COL9A2: variants seen among roughly 807,000 people sequenced by gnomAD.
COL9A2 encodes the protein collagen alpha-2(IX) chain.
Under a neutral mutation model 111.6 loss-of-function variants are expected in COL9A2, and 66 were observed. The ratio of observed to expected loss-of-function variants is 0.59; its 90% CI spans 0.48 to 0.73. The LOEUF (loss-of-function observed/expected upper bound fraction) is 0.73. COL9A2 is among the 30% of genes least tolerant of loss of function. The probability of loss-of-function intolerance (pLI) is 0.00; values close to 1 mark genes in which losing one functional copy is unlikely to be tolerated. For missense variants in COL9A2, 881 were observed against 954.1 expected, an observed-to-expected ratio of 0.92 and a Z score of 1.01; for synonymous variants, 353 against 364.1, an observed-to-expected ratio of 0.97 and a Z score of 0.35.
Position 40,316,658 on chromosome 1 carries a change from C to A in COL9A2, c.75+465G>T, listed in dbSNP as rs1221476718. On this transcript the variant is annotated intron_variant, in intron 1 of 31. Coordinates refer to ENST00000372748, the MANE Select transcript of COL9A2 (RefSeq NM_001852.4). The surrounding 1 kb of genome is among the most constrained non-coding windows in gnomAD (Gnocchi z 5.5). Reference sequence around the variant, plus strand: ...GCCCAGTCTCTGCCCTACCCGCGCGCCCGCAGCCCCCGGCGGCCCTCGGAA... The same window carrying A: ...GCCCAGTCTCTGCCCTACCCGCGCGACCGCAGCCCCCGGCGGCCCTCGGAA... 2.3e-6 allele frequency: 1 copy of A among 437,622 alleles called. No homozygotes were observed. Among genetic ancestry groups the A allele is most frequent in the Non-Finnish European group, 4.6e-6 (1 of 219,182 alleles). 27.1% of individuals were successfully genotyped at this position (437,622 alleles called of 1,614,324 possible).
At position 40,304,866 on chromosome 1, in the gene COL9A2, G is replaced by C. The variant is rs1643999693; in HGVS notation, c.1108-19C>G. 1.3e-6 allele frequency: 2 copies of C among 1,548,186 alleles called. No individual in the cohort carries two copies. The highest frequency in any genetic ancestry group is 2.7e-5 in the African/African-American group (2 of 73,156). ...GCTCTCCCTGGAGGAAGGAGAAATT[G>C]GGGCTAAGCGTTTGACCTGGTGGAA... On this transcript the variant is annotated intron_variant, in intron 21 of 31. Transcript: ENST00000372748.
rs576245699 is a variant in COL9A2, at chr1:40,316,240, A to G, written c.76-576T>C. 6 of 174,492 alleles carry G rather than the reference A, an allele frequency of 3.4e-5. No individual in the cohort carries two copies. Among genetic ancestry groups the G allele is most frequent in the Non-Finnish European group, 6.2e-5 (5 of 81,072 alleles). The allele number at this position is 174,492 out of a possible 1,614,324, so 10.8% of individuals were successfully genotyped here. A position where few individuals can be genotyped will look rare whatever the true frequency, so the allele number is the denominator to read the frequency against. Reference sequence around the variant, plus strand: ...GGAGGTGTAGGGAGGTGAAGCGGGTACTATCTTCCCACTCGGAGCGCCCCT... The same window carrying G: ...GGAGGTGTAGGGAGGTGAAGCGGGTGCTATCTTCCCACTCGGAGCGCCCCT... On this transcript the variant is annotated intron_variant, in intron 1 of 31. Coordinates refer to ENST00000372748, the MANE Select transcript of COL9A2 (RefSeq NM_001852.4). The surrounding 1 kb of genome is among the most constrained non-coding windows in gnomAD (Gnocchi z 5.5).
chr1:40,311,465 C>T lies in COL9A2; in HGVS notation c.519+35G>A, dbSNP rs1644124966. ...CTCCCCATCTCTGTGGCCCCGCCCC[C>T]CTGTGTTAGCCCCGCCCCAGACCTC... On this transcript the variant is annotated intron_variant, in intron 10 of 31. Transcript: ENST00000372748. The surrounding 1 kb of genome is among the most constrained non-coding windows in gnomAD (Gnocchi z 5.1). 1.2e-6 allele frequency: 2 copies of T among 1,601,364 alleles called. No individual in the cohort carries two copies. Among genetic ancestry groups the T allele is most frequent in the African/African-American group, 1.3e-5 (1 of 74,642 alleles).
In COL9A2 at chr1:40,312,486, CAGAA is replaced by C. The variant is rs1644146304; in HGVS notation, c.340-11_340-8del. 6.2e-7 allele frequency: 1 copy of C among 1,613,890 alleles called. No individual in the cohort carries two copies. Among genetic ancestry groups the C allele is most frequent in the Non-Finnish European group, 8.5e-7 (1 of 1,179,892 alleles). On this transcript the variant is annotated splice_region_variant and splice_polypyrimidine_tract_variant and intron_variant, in intron 6 of 31. Coordinates refer to ENST00000372748, the MANE Select transcript of COL9A2 (RefSeq NM_001852.4). This position sits in a 1 kb window ranked among gnomAD's most constrained non-coding sequence, Gnocchi z 6.0. Reference sequence around the variant, plus strand: ...GTCCAGCAAAACCAGGGCCCTGGAACAGAAAGAAAGAAAATTGGCTTCATGGCTC... The same window carrying C: ...GTCCAGCAAAACCAGGGCCCTGGAACAGAAAGAAAATTGGCTTCATGGCTC...
At position 40,316,310 on chromosome 1, in the gene COL9A2, G is replaced by A. The variant is rs922788634; in HGVS notation, c.76-646C>T. ...GTCCTCCCTCTGCTAAGCCCTGACT[G>A]CTGCAGGGGAGCAGGAGGAGCCGGC... is the stretch of plus-strand genomic sequence containing the variant. On this transcript the variant is annotated intron_variant, in intron 1 of 31. Coordinates refer to ENST00000372748, the MANE Select transcript of COL9A2 (RefSeq NM_001852.4). The surrounding 1 kb of genome is among the most constrained non-coding windows in gnomAD (Gnocchi z 5.5). Among the ~76,000 whole-genome samples the A allele has an allele frequency of 6.6e-6, 1 of 152,238 alleles. No homozygotes were observed. Among genetic ancestry groups the A allele is most frequent in the Non-Finnish European group, 1.5e-5 (1 of 68,036 alleles).
Position 40,302,820 on chromosome 1 carries a change from G to GGAGT in COL9A2, c.1604-12_1604-11insACTC. 6.6e-7 allele frequency: 1 copy of GGAGT among 1,523,378 alleles called. No individual in the cohort carries two copies. Among genetic ancestry groups the GGAGT allele is most frequent in the Non-Finnish European group, 8.8e-7 (1 of 1,137,476 alleles). The allele number at this position is 1,523,378 out of a possible 1,614,324, so 94.4% of individuals were successfully genotyped here. The stretch of plus-strand genomic sequence containing the variant: ...CCTCTGCCAGTTGCTCTGGAGGGAG[G>GGAGT]GAGGGAGGGAGGGAGAGGGAAGTCT... On this transcript the variant is annotated splice_polypyrimidine_tract_variant and intron_variant, in intron 29 of 31. Coordinates refer to ENST00000372748, the MANE Select transcript of COL9A2 (RefSeq NM_001852.4). The surrounding 1 kb of genome is among the most constrained non-coding windows in gnomAD (Gnocchi z 4.5).
rs921264993 is a variant in COL9A2 at position 40,300,984 on chromosome 1, G to A, written c.*198C>T. 1 of 605,548 alleles carries A rather than the reference G, an allele frequency of 1.7e-6. No individual in the cohort carries two copies. The highest frequency in any genetic ancestry group is 1.8e-5 in the African/African-American group (1 of 54,056). The allele number at this position is 605,548 out of a possible 1,614,324, so 37.5% of individuals were successfully genotyped here. ...TCGACACCACTTGCCCTGTGTGTTGGCCTCACTTTTTCACCCATCAGTGCT... is the reference window on the plus strand; with the variant it reads ...TCGACACCACTTGCCCTGTGTGTTGACCTCACTTTTTCACCCATCAGTGCT... On this transcript the variant is annotated 3_prime_UTR_variant, in exon 32 of 32. Transcript: ENST00000372748. This position sits in a 1 kb window ranked among gnomAD's most constrained non-coding sequence, Gnocchi z 4.4.
At position 40,314,504 on chromosome 1, in the gene COL9A2, A is replaced by C; in HGVS notation, c.151-117T>G. The C allele has an allele frequency of 8.1e-7, 1 of 1,236,778 alleles. No individual in the cohort carries two copies. The highest frequency in any genetic ancestry group is 2.3e-5 in the East Asian group (1 of 42,556). The allele number at this position is 1,236,778 out of a possible 1,614,324, so 76.6% of individuals were successfully genotyped here. On this transcript the variant is annotated intron_variant, in intron 2 of 31. Coordinates refer to ENST00000372748, the MANE Select transcript of COL9A2 (RefSeq NM_001852.4). The surrounding 1 kb of genome is among the most constrained non-coding windows in gnomAD (Gnocchi z 4.1). ...CTCCTCACTCTCCTCTCTTCTGTCC[A>C]GGTCCCCTAAGCCTTGCAATCTTTG...
intron 16 of COL9A2, among the ~76,000 whole-genome samples, chr1:40,308,833 G>A (rs1644071040): frequency 6.6e-6 from 1 of 152,166 alleles, no homozygotes; most frequent in Non-Finnish European, 1.5e-5. Context: ...AGGGGTCTGG[G>A]GGATAGAGGA....
At position 40,311,342 on chromosome 1, in the gene COL9A2, C is replaced by G. The variant is rs1388235928; in HGVS notation, c.520-56G>C. On this transcript the variant is annotated intron_variant, in intron 10 of 31. Transcript: ENST00000372748. The surrounding 1 kb of genome is among the most constrained non-coding windows in gnomAD (Gnocchi z 5.1). The stretch of plus-strand genomic sequence containing the variant: ...GATCAGCTGGGCAGTGCGCCCCCAT[C>G]TCTCCAAGCCCCGTGCTCTCCTCCG... The G allele has an allele frequency of 1.1e-5, 17 of 1,595,858 alleles. No homozygotes were observed. Among genetic ancestry groups the G allele is most frequent in the Non-Finnish European group, 1.4e-5 (16 of 1,169,502 alleles).
chr1:40,301,656 C>T lies in COL9A2; in HGVS notation c.1870+156G>A, dbSNP rs541441413. On this transcript the variant is annotated intron_variant, in intron 31 of 31. Coordinates refer to ENST00000372748, the MANE Select transcript of COL9A2 (RefSeq NM_001852.4). ...CCCAGCTTCCAGAGCTGGAACCACCCAGAGACTCCGGGGTGCTCCAAAGGG... is the reference window on the plus strand; with the variant it reads ...CCCAGCTTCCAGAGCTGGAACCACCTAGAGACTCCGGGGTGCTCCAAAGGG... Among the ~76,000 whole-genome samples the T allele has an allele frequency of 1.6e-4, 24 of 152,318 alleles. No homozygotes were observed. The East Asian group carries it at 2.1e-3, about 13-fold the overall frequency.
At chr1:40,313,322 C>A (rs1268848372) in intron 4 of COL9A2, among the ~76,000 whole-genome samples, 2 of 152,138 alleles carry the variant, frequency 1.3e-5, no homozygotes, top group Non-Finnish European at 2.9e-5. Context: ...GCATGCGCCA[C>A]CACGCTTGGG....
chr1:40,312,183 G>T lies in COL9A2; in HGVS notation c.364-71C>A. 1 of 1,350,896 alleles carries T rather than the reference G, an allele frequency of 7.4e-7. No individual in the cohort carries two copies. Among genetic ancestry groups the T allele is most frequent in the East Asian group, 2.4e-5 (1 of 41,946 alleles). 83.7% of individuals were successfully genotyped at this position (1,350,896 alleles called of 1,614,324 possible). On this transcript the variant is annotated intron_variant, in intron 7 of 31. Coordinates refer to ENST00000372748, the MANE Select transcript of COL9A2 (RefSeq NM_001852.4). The surrounding 1 kb of genome is among the most constrained non-coding windows in gnomAD (Gnocchi z 6.0). ...TACCCTGGGCACAAAGGTAGAGACA[G>T]GCACCCAAAGCCCGTTTCTCCACTT...
chr1:40,301,130 G>T lies in COL9A2; in HGVS notation c.*52C>A. 6 of 1,593,914 alleles carry T rather than the reference G, an allele frequency of 3.8e-6. No individual in the cohort carries two copies. The highest frequency in any genetic ancestry group is 5.2e-6 in the Non-Finnish European group (6 of 1,164,248). ...GATGGGTGCATGTCCACCCAGAGGG[G>T]ACCTGGTCCTTCCCGCCAGGATGCC... On this transcript the variant is annotated 3_prime_UTR_variant, in exon 32 of 32. Transcript: ENST00000372748.
rs1268513615 is a variant in COL9A2 at position 40,316,185 on chromosome 1, C to T, written c.76-521G>A. The T allele has an allele frequency of 6.2e-6, 1 of 161,450 alleles. No individual in the cohort carries two copies. The highest frequency in any genetic ancestry group is 1.4e-5 in the Non-Finnish European group (1 of 73,260). The allele number at this position is 161,450 out of a possible 1,614,324, so 10.0% of individuals were successfully genotyped here. ...CCTCTCCCCATGGTGCGGGAAAACC[C>T]GACGGGAAAGTGGGGGAGGCGCAGA... On this transcript the variant is annotated intron_variant, in intron 1 of 31. Transcript: ENST00000372748. This position sits in a 1 kb window ranked among gnomAD's most constrained non-coding sequence, Gnocchi z 5.5.
chr1:40,310,128 C>T lies in COL9A2; in HGVS notation c.775G>A (p.Gly259Ser), dbSNP rs148362133. The T allele has an allele frequency of 1.8e-4, 283 of 1,613,992 alleles. 1 individual carries two copies. In the African/African-American group the frequency reaches 2.6e-3, roughly 15 times the overall value. Reference sequence around the variant, plus strand: ...AGGCTTACCGGTGGCCCAGTGGCACCGATAGCGCCCACCATGCCTTTATAT... The same window carrying T: ...AGGCTTACCGGTGGCCCAGTGGCACTGATAGCGCCCACCATGCCTTTATAT... ...HGYKGMVGAI[G>S]ATGPPGEEGP... The change falls in exon 15 of 32, where the codon GGT (glycine) becomes AGT (serine). Residue 259 changes from glycine (G) to serine (S), a missense_variant. By Grantham distance (56) the Gly-to-Ser change is moderately conservative. Coordinates refer to ENST00000372748, the MANE Select transcript of COL9A2 (RefSeq NM_001852.4). This position sits in a 1 kb window ranked among gnomAD's most constrained non-coding sequence, Gnocchi z 4.9.
rs1309012179 is a variant in COL9A2, at chr1:40,316,779, G to A, written c.75+344C>T. ...CGCCCCCTGGGAGGCGGCGGGGGCG[G>A]AGGCTGCGCAGCGGGTGAATGAGCA... On this transcript the variant is annotated intron_variant, in intron 1 of 31. Coordinates refer to ENST00000372748, the MANE Select transcript of COL9A2 (RefSeq NM_001852.4). The surrounding 1 kb of genome is among the most constrained non-coding windows in gnomAD (Gnocchi z 5.5). 5.2e-6 allele frequency: 2 copies of A among 388,074 alleles called. No homozygotes were observed. Among genetic ancestry groups the A allele is most frequent in the Non-Finnish European group, 9.4e-6 (2 of 211,862 alleles). The allele number at this position is 388,074 out of a possible 1,614,324, so 24.0% of individuals were successfully genotyped here. A position where few individuals can be genotyped will look rare whatever the true frequency, so the allele number is the denominator to read the frequency against.
Position 40,309,928 on chromosome 1 carries a change from G to A in COL9A2, c.846+10C>T, listed in dbSNP as rs1045951380. 5.0e-6 allele frequency: 8 copies of A among 1,613,134 alleles called. No individual in the cohort carries two copies. The highest frequency in any genetic ancestry group is 6.8e-6 in the Non-Finnish European group (8 of 1,179,924). ...GGTCCTGACTGAACAATGGGTGCCTGAGGACTCACCTCGTCACCCTTCTCC... is the reference window on the plus strand; with the variant it reads ...GGTCCTGACTGAACAATGGGTGCCTAAGGACTCACCTCGTCACCCTTCTCC... On this transcript the variant is annotated intron_variant, in intron 16 of 31. Coordinates refer to ENST00000372748, the MANE Select transcript of COL9A2 (RefSeq NM_001852.4).
rs1643901792 is a variant in COL9A2, at chr1:40,300,626, T to C, written c.*556A>G. 1 of 153,390 alleles carries C rather than the reference T, an allele frequency of 6.5e-6. No homozygotes were observed. The highest frequency in any genetic ancestry group is 2.0e-4 in the South Asian group (1 of 4,890). 9.5% of individuals were successfully genotyped at this position (153,390 alleles called of 1,614,324 possible). ...TGCGAGAAAGAGAAGGGAGATGATG[T>C]TTAAATACTGAGCTGGGAGGCAGGG... On this transcript the variant is annotated 3_prime_UTR_variant, in exon 32 of 32. Coordinates refer to ENST00000372748, the MANE Select transcript of COL9A2 (RefSeq NM_001852.4). The surrounding 1 kb of genome is among the most constrained non-coding windows in gnomAD (Gnocchi z 4.4).
Sources: allele counts gnomAD v4.1 joint callset (sites outside exome capture counted in the v4.1 genomes callset), GRCh38; gene constraint gnomAD v4.1.1; non-coding constraint Gnocchi (gnomAD v3.1); transcripts MANE v1.5; gene names NCBI Gene and HGNC (gene_info 2026-07-23, HGNC 2026-07-21).